Variants in GRID1 observed in about 807,000 individuals in gnomAD.
GRID1 encodes the protein glutamate receptor ionotropic, delta-1.
In GRID1, 28 loss-of-function variants were observed where a neutral mutation model predicts 98.0. The ratio of observed to expected loss-of-function variants is 0.29; its 90% CI spans 0.21 to 0.39. GRID1 has a LOEUF of 0.39. Ranked by LOEUF, GRID1 falls within the 10% of genes least tolerant of loss-of-function variation. The probability of loss-of-function intolerance (pLI) is 1.00; values close to 1 mark genes in which losing one functional copy is unlikely to be tolerated. For synonymous variants in GRID1, 553 were observed against 538.5 expected, an observed-to-expected ratio of 1.03 and a Z score of -0.37; for missense variants, 1,111 against 1,340.5, an observed-to-expected ratio of 0.83 and a Z score of 2.67.
At chr10:86,223,063 T>C (rs867601834) in intron 2 of GRID1, among the ~76,000 whole-genome samples, 2 of 152,130 alleles carry the variant, frequency 1.3e-5, no homozygotes, top group African/African-American at 4.8e-5. Context: ...CTGACCTGCT[T>C]CTGGGGAGCA....
chr10:86,298,341 T>C (rs989650608), intron 2 of GRID1, among the ~76,000 whole-genome samples: 3 of 152,216 alleles, frequency 2.0e-5, no homozygotes, highest in Non-Finnish European at 4.4e-5. Flanking sequence ...TGGAAGGGAA[T>C]ATAGAAGATG....
At chr10:86,089,262 C>A (rs575970316) in intron 4 of GRID1, among the ~76,000 whole-genome samples, 17 of 152,314 alleles carry the variant, frequency 1.1e-4, no homozygotes, top group African/African-American at 3.9e-4. Flanking sequence ...CTTCTCCCAG[C>A]CAGGGAAGGG....
At chr10:85,660,708 T>C (rs1376962256) in intron 12 of GRID1, among the ~76,000 whole-genome samples, 2 of 152,070 alleles carry the variant, frequency 1.3e-5, no homozygotes, top group Non-Finnish European at 2.9e-5. Flanking sequence ...AGCAACACAG[T>C]GCAGTTCAGA....
intron 2 of GRID1, among the ~76,000 whole-genome samples, chr10:86,250,991 T>C (rs1289958731): frequency 1.3e-5 from 2 of 152,222 alleles, no homozygotes; most frequent in Non-Finnish European, 2.9e-5. Context: ...CATTTTGTCC[T>C]GTACTAGGAA....
intron 3 of GRID1, among the ~76,000 whole-genome samples, chr10:86,205,620 T>C (rs1846014913): frequency 6.6e-6 from 1 of 152,180 alleles, no homozygotes; most frequent in Non-Finnish European, 1.5e-5. Flanking sequence ...AGGTTGCTCC[T>C]TATAATTGCA....
intron 4 of GRID1, among the ~76,000 whole-genome samples, chr10:85,938,717 G>T (rs780240121): frequency 3.3e-5 from 5 of 152,052 alleles, no homozygotes; most frequent in African/African-American, 1.2e-4. Context: ...GTCCTCTATG[G>T]GTCATCACCA....
intron 5 of GRID1, among the ~76,000 whole-genome samples, chr10:85,885,457 A>G (rs1057356260): frequency 3.3e-5 from 5 of 152,340 alleles, no homozygotes; most frequent in African/African-American, 1.2e-4. Context: ...TTTTCAAAGA[A>G]GCCTTTAATC....
intron 8 of GRID1, among the ~76,000 whole-genome samples, chr10:85,837,569 TA>T (rs1842921842): frequency 6.6e-6 from 1 of 150,742 alleles, no homozygotes; most frequent in African/African-American, 2.4e-5. Flanking sequence ...CTCCCAGAAA[TA>T]AAGCAAGTTA....
intron 4 of GRID1, among the ~76,000 whole-genome samples, chr10:86,024,982 G>A (rs966365806): frequency 1.3e-5 from 2 of 152,230 alleles, no homozygotes; most frequent in African/African-American, 2.4e-5. Context: ...AGCCTGAGGA[G>A]TTTGCAGTGT....
chr10:86,024,142 A>T (rs1282723033), intron 4 of GRID1, among the ~76,000 whole-genome samples: 3 of 152,158 alleles, frequency 2.0e-5, no homozygotes, highest in Non-Finnish European at 2.9e-5. Context: ...CCAGGGTTGG[A>T]ATGGGCAGTC....
intron 2 of GRID1, among the ~76,000 whole-genome samples, chr10:86,271,158 G>A (rs1589433155): frequency 6.6e-6 from 1 of 152,202 alleles, no homozygotes; most frequent in Non-Finnish European, 1.5e-5. Context: ...TGAAGGAATA[G>A]TATCTGGTAC....
At position 86,252,961 on chromosome 10, in the gene GRID1, C is replaced by T. The variant is rs117646916; in HGVS notation, c.236-46313G>A. 5.8e-4 allele frequency among the ~76,000 whole-genome samples: 88 copies of T among 152,256 alleles called. 1 individual carries two copies. The highest frequency in any genetic ancestry group is 9.4e-4 in the Non-Finnish European group (64 of 68,026). ...ATATGTTTACTGACAGAACCAGGGGCTCTGGGCAGATAACTCTTTTATGAC... is the reference window on the plus strand; with the variant it reads ...ATATGTTTACTGACAGAACCAGGGGTTCTGGGCAGATAACTCTTTTATGAC... On this transcript the variant is annotated intron_variant, in intron 2 of 15. Coordinates refer to ENST00000327946, the MANE Select transcript of GRID1 (RefSeq NM_017551.3).
At chr10:86,363,880 C>A in intron 2 of GRID1, 61 bp downstream of exon 2, 1 of 1,443,494 alleles carries the variant, frequency 6.9e-7, no homozygotes, top group South Asian at 1.2e-5. Flanking sequence ...CCTCCGGTGC[C>A]CACTGCTGCG....
chr10:86,016,968 A>G (rs1157746531), intron 4 of GRID1, among the ~76,000 whole-genome samples: 2 of 152,220 alleles, frequency 1.3e-5, no homozygotes, highest in South Asian at 2.1e-4. Flanking sequence ...CGTTCAATGA[A>G]CTTTTACTGA....
At chr10:85,690,362 C>T (rs1026172980) in intron 12 of GRID1, among the ~76,000 whole-genome samples, 4 of 152,108 alleles carry the variant, frequency 2.6e-5, no homozygotes, top group Admixed American at 6.5e-5. Context: ...GTTCTAAGGT[C>T]AGCACTTTAT....
At chr10:85,924,255 C>A (rs1183793347) in intron 4 of GRID1, among the ~76,000 whole-genome samples, 1 of 152,180 alleles carries the variant, frequency 6.6e-6, no homozygotes, top group Non-Finnish European at 1.5e-5. Context: ...AAACAAAACC[C>A]ATGCATATGG....
Position 85,599,802 on chromosome 10 carries a change from A to AAAAATATATATATATATAT in GRID1, c.*2470_*2471insATATATATATATATATTTT. 17 of 64,978 alleles carry AAAAATATATATATATATAT rather than the reference A, an allele frequency of 2.6e-4. 1 individual carries two copies. The highest frequency in any genetic ancestry group is 4.2e-4 in the East Asian group (1 of 2,356). 4.0% of individuals were successfully genotyped at this position (64,978 alleles called of 1,614,324 possible). A position where few individuals can be genotyped will look rare whatever the true frequency, so the allele number is the denominator to read the frequency against. ...GTAGAAAATTCTAAAAAAAAAAAAA[A>AAAAATATATATATATATAT]ATATATATATATATATATAAACATG... On this transcript the variant is annotated 3_prime_UTR_variant, in exon 16 of 16. Transcript: ENST00000327946.
intron 12 of GRID1, among the ~76,000 whole-genome samples, chr10:85,654,332 C>T (rs1437595891): frequency 6.6e-6 from 1 of 152,076 alleles, no homozygotes; most frequent in African/African-American, 2.4e-5. Context: ...TAAAAAGTAA[C>T]AATTAATAAA....
chr10:86,241,842 C>G (rs2132042502), intron 2 of GRID1, among the ~76,000 whole-genome samples: 1 of 152,316 alleles, frequency 6.6e-6, no homozygotes, highest in Non-Finnish European at 1.5e-5. Context: ...ACACCCCCAC[C>G]TGACCCAGCC....
Sources: gnomAD v4.1 joint callset for allele counts (sites outside exome capture counted in the v4.1 genomes callset) on GRCh38, gnomAD v4.1.1 for gene constraint, MANE v1.5 for transcripts, NCBI Gene and HGNC (gene_info 2026-07-23, HGNC 2026-07-21) for gene names.